TRAF2: variants seen among roughly 807,000 people sequenced by gnomAD.
The protein encoded by TRAF2 is TNF receptor-associated factor 2.
TRAF2 carries 6 observed loss-of-function variants against 55.6 expected under a neutral mutation model. The ratio of observed to expected loss-of-function variants is 0.11; its 90% CI spans 0.06 to 0.21. The LOEUF (loss-of-function observed/expected upper bound fraction) is 0.21. Among genes scored for constraint, TRAF2 ranks in the 10% least tolerant of loss-of-function variants. TRAF2 has a pLI of 1.00. For synonymous variants in TRAF2, 329 were observed against 276.3 expected (o/e 1.19, Z -1.89); for missense variants, 561 against 684.5 (o/e 0.82, Z 2.01).
intron 9 of TRAF2, among the ~76,000 whole-genome samples, chr9:136,922,977 G>A (rs1024029387): frequency 2.6e-4 from 40 of 152,132 alleles, no homozygotes; most frequent in African/African-American, 9.2e-4. Context: ...GGAGGACGAG[G>A]ACGGAAGGGT....
At chr9:136,909,811 C>T (rs1850057462) in intron 5 of TRAF2, 109 bp from the exon 6 acceptor site, 9 of 1,096,142 alleles carry the variant, frequency 8.2e-6, no homozygotes, top group East Asian at 2.6e-5. Context: ...AGGGTGACCA[C>T]GTGCTCCTGC....
chr9:136,884,865 C>T (rs1175311009), upstream of TRAF2, among the ~76,000 whole-genome samples: 2 of 152,228 alleles, frequency 1.3e-5, no homozygotes, highest in African/African-American at 2.4e-5. Flanking sequence ...TGAACCCTTT[C>T]TCATCCCGAG....
chr9:136,894,435 C>G (rs191180441), intron 1 of TRAF2, among the ~76,000 whole-genome samples: 1 of 152,062 alleles, frequency 6.6e-6, no homozygotes, highest in Non-Finnish European at 1.5e-5. Context: ...AGGCAAGTCT[C>G]GGAAGGCTGC....
At chr9:136,922,603 G>GCGGTGGAGGACGA (rs1850413696) in intron 9 of TRAF2, 1 of 156,198 alleles carries the variant, frequency 6.4e-6, no homozygotes, top group African/African-American at 2.4e-5. Context: ...CTGGGGGCAC[G>GCGGTGGAGGACGA]GTGGAGGACG....
At chr9:136,903,241 G>C (rs909499897) in intron 4 of TRAF2, among the ~76,000 whole-genome samples, 2 of 152,218 alleles carry the variant, frequency 1.3e-5, no homozygotes, top group African/African-American at 4.8e-5. Flanking sequence ...ATAAGCCACT[G>C]CACCTGGCCA....
intron 1 of TRAF2, among the ~76,000 whole-genome samples, chr9:136,892,096 C>T (rs1849592500): frequency 6.6e-6 from 1 of 152,126 alleles, no homozygotes; most frequent in South Asian, 2.1e-4. Context: ...CATGACTGCA[C>T]TCATAGGGTT....
At chr9:136,907,426 A>C (rs1189908471) in intron 4 of TRAF2, among the ~76,000 whole-genome samples, 1 of 152,180 alleles carries the variant, frequency 6.6e-6, no homozygotes, top group Admixed American at 6.5e-5. Flanking sequence ...CCTGTGTGTC[A>C]CTGGCCCTCG....
At chr9:136,886,485 G>A, upstream of TRAF2, 1 of 1,003,184 alleles carries the variant, frequency 1.0e-6, no homozygotes, top group Non-Finnish European at 1.2e-6. Flanking sequence ...CGGCGGCGGC[G>A]GCGTTGGGGG....
Position 136,921,021 on chromosome 9 carries a change from G to A in TRAF2, c.961-17G>A, listed in dbSNP as rs1416753175. The stretch of plus-strand genomic sequence containing the variant: ...CACCCCTCCTGTAAGAGGGAAGGTG[G>A]TCTTGGCACCCGGCAGGTGCAGCAG... On this transcript the variant is annotated splice_polypyrimidine_tract_variant and intron_variant, in intron 8 of 10. Coordinates refer to ENST00000247668, the MANE Select transcript of TRAF2 (RefSeq NM_021138.4). 3.7e-6 allele frequency: 6 copies of A among 1,612,984 alleles called. No individual in the cohort carries two copies. Among genetic ancestry groups the A allele is most frequent in the Admixed American group, 1.7e-5 (1 of 59,976 alleles).
At chr9:136,895,330 G>A (rs1375357638) in intron 1 of TRAF2, among the ~76,000 whole-genome samples, 1 of 152,190 alleles carries the variant, frequency 6.6e-6, no homozygotes, top group African/African-American at 2.4e-5. Context: ...GGAGGCAAGT[G>A]ACCTAAGGCT....
intron 4 of TRAF2, among the ~76,000 whole-genome samples, chr9:136,903,706 G>A (rs1243177994): frequency 2.0e-5 from 3 of 151,910 alleles, no homozygotes; most frequent in Non-Finnish European, 4.4e-5. Context: ...TTTTGCGATG[G>A]AGTCTCACTC....
At chr9:136,899,438 A>G (rs1030734716) in intron 2 of TRAF2, among the ~76,000 whole-genome samples, 156 bp from the exon 3 acceptor site, 2 of 152,224 alleles carry the variant, frequency 1.3e-5, no homozygotes, top group Non-Finnish European at 2.9e-5. Context: ...TGGGGTTTAA[A>G]ACATGTCCTG....
In TRAF2 at chr9:136,916,610, G is replaced by A. The variant is rs377131385; in HGVS notation, c.673G>A (p.Glu225Lys). ...CAGATTCCACGCCATCGGCTGCCTC[G>A]AGACGGTGAGTCGGGGGGTCTGAGG... ...PCRFHAIGCLETVEGEKQQEH... is the reference protein window; with the variant it reads ...PCRFHAIGCLKTVEGEKQQEH... The change falls in exon 7 of 11, where the codon GAG becomes AAG. Residue 225 changes from glutamate to lysine, a missense_variant. Physicochemically the swap from Glu to Lys is moderately conservative, Grantham distance 56 (BLOSUM62 1). Coordinates refer to ENST00000247668, the MANE Select transcript of TRAF2 (RefSeq NM_021138.4). The A allele has an allele frequency of 2.1e-5, 34 of 1,613,724 alleles. 1 individual carries two copies. Among genetic ancestry groups the A allele is most frequent in the African/African-American group, 4.0e-5 (3 of 74,892 alleles).
At chr9:136,912,287 G>T (rs1201035112) in intron 6 of TRAF2, among the ~76,000 whole-genome samples, 1 of 149,534 alleles carries the variant, frequency 6.7e-6, no homozygotes, top group African/African-American at 2.5e-5. Flanking sequence ...TCAGCCTCCT[G>T]AGTATCTGGG....
intron 1 of TRAF2, among the ~76,000 whole-genome samples, chr9:136,893,110 A>G (rs1362405767): frequency 6.6e-6 from 1 of 152,100 alleles, no homozygotes; most frequent in Non-Finnish European, 1.5e-5. Context: ...CACGGCTGGT[A>G]TGCATCTGTG....
Position 136,926,027 on chromosome 9 carries a change from G to T in TRAF2, c.*126G>T, listed in dbSNP as rs1333219646. On this transcript the variant is annotated 3_prime_UTR_variant, in exon 11 of 11. Coordinates refer to ENST00000247668, the MANE Select transcript of TRAF2 (RefSeq NM_021138.4). ...GGGCCGCGCTTGGGCGCTTGGGAGGGTGTCGGCCTGCAGCCAAGTTCACTG... is the reference window on the plus strand; with the variant it reads ...GGGCCGCGCTTGGGCGCTTGGGAGGTTGTCGGCCTGCAGCCAAGTTCACTG... 5 of 1,173,820 alleles carry T rather than the reference G, an allele frequency of 4.3e-6. No individual in the cohort carries two copies. Among genetic ancestry groups the T allele is most frequent in the East Asian group, 4.8e-5 (2 of 42,070 alleles). The allele number at this position is 1,173,820 out of a possible 1,614,324, so 72.7% of individuals were successfully genotyped here. A position where few individuals can be genotyped will look rare whatever the true frequency, so the allele number is the denominator to read the frequency against.
chr9:136,882,317 G>A (rs925536716), upstream of TRAF2, among the ~76,000 whole-genome samples: 9 of 152,254 alleles, frequency 5.9e-5, no homozygotes, highest in African/African-American at 2.2e-4. Context: ...GCAGATGCCA[G>A]TGGCATGGCG....
chr9:136,900,065 G>T (rs568062795), intron 3 of TRAF2, among the ~76,000 whole-genome samples: 13 of 152,072 alleles, frequency 8.5e-5, no homozygotes, highest in Non-Finnish European at 1.9e-4. Flanking sequence ...CACTTGGGAG[G>T]CTGAAGTGGG....
Position 136,916,591 on chromosome 9 carries a change from C to T in TRAF2, c.654C>T (p.Phe218=). 1.2e-6 allele frequency: 2 copies of T among 1,614,090 alleles called. No homozygotes were observed. Among genetic ancestry groups the T allele is most frequent in the Non-Finnish European group, 8.5e-7 (1 of 1,180,006 alleles). Residue 218 remains phenylalanine (F), a synonymous_variant, in exon 7 of 11, where the codon TTC becomes TTT. Transcript: ENST00000247668. The stretch of plus-strand genomic sequence containing the variant: ...GCAAGTGTCGAGTCCCTTGCAGATT[C>T]CACGCCATCGGCTGCCTCGAGACGG... ...TCGKCRVPCR[F]HAIGCLETVE...
Sources: gnomAD v4.1 joint callset for allele counts (sites outside exome capture counted in the v4.1 genomes callset) on GRCh38, gnomAD v4.1.1 for gene constraint, MANE v1.5 for transcripts, NCBI Gene and HGNC (gene_info 2026-07-23, HGNC 2026-07-21) for gene names.